PRELID2: variants seen among roughly 807,000 people sequenced by gnomAD.
PRELID2 encodes the protein PRELI domain containing 2, also known as PRELI domain-containing protein 2.
A neutral mutation model predicts 28.4 loss-of-function variants in PRELID2; 25 were observed. That is an observed-to-expected ratio of 0.88 (90% CI 0.64 to 1.23). The LOEUF (loss-of-function observed/expected upper bound fraction) is 1.23. Among genes scored for constraint, PRELID2 ranks in the 50% most tolerant of loss-of-function variants. The pLI is 0.00. For synonymous variants in PRELID2, 76 were observed against 71.6 expected, an observed-to-expected ratio of 1.06 and a Z score of -0.31; for missense variants, 201 against 214.4, an observed-to-expected ratio of 0.94 and a Z score of 0.39.
intron 1 of PRELID2, chr5:145,826,151 G>T (rs1477231257): frequency 2.0e-6 from 2 of 985,336 alleles, no homozygotes; most frequent in African/African-American, 3.5e-5. Context: ...CTATCCTAGA[G>T]AAGCTGCCAT....
At chr5:145,667,361 T>C (rs1754615145) in intron 1 of PRELID2, among the ~76,000 whole-genome samples, 1 of 152,100 alleles carries the variant, frequency 6.6e-6, no homozygotes, top group Non-Finnish European at 1.5e-5. Context: ...CACAGTTGTA[T>C]ATTTTGATAA....
the PRELID2 span, among the ~76,000 whole-genome samples, chr5:145,342,068 C>T: frequency 2.6e-5 from 4 of 152,162 alleles, no homozygotes; most frequent in Admixed American, 2.0e-4. Flanking sequence ...CATTTCTCAG[C>T]AGAAACCTCA....
the PRELID2 span, among the ~76,000 whole-genome samples, chr5:145,432,891 G>T: frequency 6.6e-6 from 1 of 152,074 alleles, no homozygotes. Flanking sequence ...CCCAATTAAA[G>T]TTCAATGTAG....
the PRELID2 span, among the ~76,000 whole-genome samples, chr5:145,395,689 T>A: frequency 6.6e-6 from 1 of 152,144 alleles, no homozygotes; most frequent in Non-Finnish European, 1.5e-5. Context: ...CCACATTTGT[T>A]GTTATTTTTC....
intron 1 of PRELID2, among the ~76,000 whole-genome samples, chr5:145,664,228 T>C (rs1754545796): frequency 6.6e-6 from 1 of 152,190 alleles, no homozygotes; most frequent in East Asian, 1.9e-4. Context: ...TTAAAACAGA[T>C]ATTGACAGGC....
intron 1 of PRELID2, among the ~76,000 whole-genome samples, chr5:145,699,362 GTAT>G: frequency 6.6e-6 from 1 of 152,138 alleles, no homozygotes; most frequent in African/African-American, 2.4e-5. Context: ...TTGGATATTA[GTAT>G]TATTATTACA....
rs537074934 is a variant in PRELID2, at chr5:145,661,887, G to T, written n.70+103044C>A. Among the ~76,000 whole-genome samples, 5 of 152,158 alleles carry T rather than the reference G, an allele frequency of 3.3e-5. No individual in the cohort carries two copies. In the East Asian group the frequency reaches 9.7e-4, roughly 29 times the overall value. ...TATTTTCTCAAGAAAAGAGGGCCCT[G>T]CCCTGGAGATAATAAACATCTCAGA... On this transcript the variant is annotated intron_variant and non_coding_transcript_variant, in intron 1 of 2. Coordinates refer to the PRELID2 transcript ENST00000510259.
At chr5:145,683,433 C>T (rs1162779631) in intron 1 of PRELID2, among the ~76,000 whole-genome samples, 12 of 152,118 alleles carry the variant, frequency 7.9e-5, no homozygotes, top group Non-Finnish European at 1.6e-4. Flanking sequence ...AATAATAAAA[C>T]TTTATCTTCT....
the PRELID2 span, among the ~76,000 whole-genome samples, chr5:145,265,763 G>A: frequency 3.9e-5 from 6 of 152,126 alleles, no homozygotes; most frequent in Admixed American, 3.9e-4. Flanking sequence ...GCCACATGTA[G>A]AAGAATGAAA....
chr5:145,446,468 G>C, the PRELID2 span, among the ~76,000 whole-genome samples: 2 of 152,046 alleles, frequency 1.3e-5, no homozygotes. Context: ...GGAGGAGCCA[G>C]GAAAACAGTA....
chr5:145,804,952 G>A (rs367886529), intron 4 of PRELID2, among the ~76,000 whole-genome samples: 2 of 152,142 alleles, frequency 1.3e-5, no homozygotes, highest in Non-Finnish European at 2.9e-5. Flanking sequence ...GCCCAGTGGA[G>A]GAGGTAGACC....
chr5:145,516,763 C>G (rs1159280367), intron 1 of PRELID2, among the ~76,000 whole-genome samples: 1 of 152,148 alleles, frequency 6.6e-6, no homozygotes, highest in East Asian at 1.9e-4. Context: ...GTAACCAAAA[C>G]AGCATGGTAC....
chr5:145,283,251 A>G, the PRELID2 span, among the ~76,000 whole-genome samples: 1 of 152,186 alleles, frequency 6.6e-6, no homozygotes, highest in South Asian at 2.1e-4. Context: ...CAAAGCATAA[A>G]TATCTTGGAA....
chr5:145,714,154 G>A (rs556592901), intron 1 of PRELID2, among the ~76,000 whole-genome samples: 1 of 152,094 alleles, frequency 6.6e-6, no homozygotes, highest in African/African-American at 2.4e-5. Context: ...CTCAGGAAGA[G>A]AGCATGAATA....
At chr5:145,323,666 A>G in the PRELID2 span, among the ~76,000 whole-genome samples, 283 of 152,186 alleles carry the variant, frequency 1.9e-3, 8 homozygotes, top group East Asian at 0.045. Context: ...CTTTGTGTCC[A>G]TGTGCACTCA....
chr5:145,253,745 C>T, the PRELID2 span, among the ~76,000 whole-genome samples: 42 of 151,788 alleles, frequency 2.8e-4, no homozygotes, highest in Middle Eastern at 3.4e-3. Context: ...ATCATTTGAA[C>T]GCAGTTATTC....
intron 1 of PRELID2, among the ~76,000 whole-genome samples, chr5:145,624,241 G>A (rs1000797226): frequency 1.4e-4 from 22 of 152,096 alleles, no homozygotes; most frequent in African/African-American, 5.3e-4. Context: ...CATCATTCAG[G>A]AGTTTTTATG....
intron 1 of PRELID2, among the ~76,000 whole-genome samples, chr5:145,749,308 A>C (rs550487606): frequency 6.6e-6 from 1 of 152,342 alleles, no homozygotes; most frequent in South Asian, 2.1e-4. Flanking sequence ...TGGGCAAAGG[A>C]TATGAACAGA....
chr5:145,817,220 A>AATATATATAT (rs1188735131), intron 4 of PRELID2, among the ~76,000 whole-genome samples: 1 of 66,508 alleles, frequency 1.5e-5, no homozygotes, highest in African/African-American at 4.1e-5. Context: ...AATAAAAAAA[A>AATATATATAT]ATATATATAT....
Sources: allele counts gnomAD v4.1 joint callset (sites outside exome capture counted in the v4.1 genomes callset), GRCh38; gene constraint gnomAD v4.1.1; transcripts MANE v1.5; gene names NCBI Gene and HGNC (gene_info 2026-07-23, HGNC 2026-07-21).